The following SMARCE1 variants were observed in gnomAD, a reference collection of about 807,000 sequenced individuals.
SMARCE1 encodes SWI/SNF-related matrix-associated actin-dependent regulator of chromatin subfamily E member 1.
A neutral mutation model predicts 54.9 loss-of-function variants in SMARCE1; 13 were observed. The observed-to-expected ratio is 0.24, with a 90% CI of 0.15 to 0.38. SMARCE1 has a LOEUF of 0.38. Ranked by LOEUF, SMARCE1 falls within the 10% of genes least tolerant of loss-of-function variation. SMARCE1 has a pLI of 1.00. For synonymous variants in SMARCE1, 151 were observed against 175.3 expected (o/e 0.86, Z 1.10); for missense variants, 295 against 523.8 (o/e 0.56, Z 4.26).
chr17:40,633,787 C>T (rs996324793), intron 7 of SMARCE1: 1 of 152,144 alleles, frequency 6.6e-6, no homozygotes, highest in Non-Finnish European at 1.5e-5. Flanking sequence ...GGGTAAGATA[C>T]AGTTTTTTTA....
intron 7 of SMARCE1, chr17:40,633,837 T>C (rs757917804): frequency 6.6e-6 from 1 of 152,234 alleles, no homozygotes; most frequent in Non-Finnish European, 1.5e-5. Context: ...GTTTTTCACC[T>C]TTAGGGTTAT....
chr17:40,633,024 T>C (rs943395620), intron 7 of SMARCE1: 1 of 152,214 alleles, frequency 6.6e-6, no homozygotes, highest in African/African-American at 2.4e-5. Flanking sequence ...TCTGTTTCGT[T>C]TTGAGACAGA....
At chr17:40,639,773 A>C (rs2037179685) in intron 4 of SMARCE1, among the ~76,000 whole-genome samples, 1 of 152,192 alleles carries the variant, frequency 6.6e-6, no homozygotes, top group African/African-American at 2.4e-5. Context: ...ACAATGTCTT[A>C]AACATTTCTT....
chr17:40,637,838 C>T, intron 4 of SMARCE1: 1 of 446,474 alleles, frequency 2.2e-6, no homozygotes, highest in South Asian at 2.2e-5. Context: ...CACAGTAACC[C>T]ATACATTGAA....
intron 1 of SMARCE1, chr17:40,647,554 T>C (rs2037273113): frequency 6.5e-6 from 1 of 152,684 alleles, no homozygotes. Context: ...CTTTGACCAA[T>C]TTCGGGGGAC....
rs748967613 is a variant in SMARCE1, at chr17:40,630,747, TCTC to T, written c.991_993del (p.Glu331del). 1.9e-6 allele frequency: 3 copies of T among 1,614,132 alleles called. No individual in the cohort carries two copies. The highest frequency in any genetic ancestry group is 4.5e-5 in the East Asian group (2 of 44,882). On this transcript the variant is annotated inframe_deletion, in exon 10 of 11. Transcript: ENST00000348513. ...ATCGGAATGTTCTCGTCGTCTTTCTTCTCCTCGCCTTTGTTAGCTGCTTGTTCT... is the reference window on the plus strand; with the variant it reads ...ATCGGAATGTTCTCGTCGTCTTTCTTCTCGCCTTTGTTAGCTGCTTGTTCT...
rs2037039919 is a variant in SMARCE1, at chr17:40,626,817, T to C, written c.*1968A>G. ...TGAACCTGGGAGGTGGAGGTTGCAG[T>C]GAGCTGAGATCGCCACCACTGCACT... On this transcript the variant is annotated 3_prime_UTR_variant, in exon 11 of 11. Transcript: ENST00000348513. 1 of 102,612 alleles carries C rather than the reference T, an allele frequency of 9.7e-6. No homozygotes were observed. Among genetic ancestry groups the C allele is most frequent in the Non-Finnish European group, 1.9e-5 (1 of 52,782 alleles). The allele number at this position is 102,612 out of a possible 1,614,324, so 6.4% of individuals were successfully genotyped here.
At chr17:40,645,330 A>T (rs925970700) in intron 3 of SMARCE1, 7 of 407,382 alleles carry the variant, frequency 1.7e-5, no homozygotes, top group Admixed American at 1.3e-4. Flanking sequence ...ATTTACAAAG[A>T]AAAAACAAAA....
chr17:40,643,521 A>G (rs2037219433), intron 3 of SMARCE1: 1 of 152,242 alleles, frequency 6.6e-6, no homozygotes, highest in African/African-American at 2.4e-5. Flanking sequence ...ATGACACTCA[A>G]TGTTCATGAG....
At chr17:40,631,032 C>A (rs149046203) in intron 9 of SMARCE1, 108 bp from the exon 10 acceptor site, 6 of 775,614 alleles carry the variant, frequency 7.7e-6, no homozygotes, top group Middle Eastern at 2.6e-4. Context: ...ATATATATAT[C>A]TATACACCTG....
chr17:40,645,318 C>T, intron 3 of SMARCE1: 1 of 412,694 alleles, frequency 2.4e-6, no homozygotes, highest in Non-Finnish European at 4.2e-6. Context: ...CACTTATTTC[C>T]CATTTACAAA....
intron 9 of SMARCE1, chr17:40,631,281 G>A (rs555050554): frequency 3.4e-4 from 108 of 320,670 alleles, no homozygotes; most frequent in Admixed American, 1.8e-3. Flanking sequence ...ATTTAATGAC[G>A]ACATTTGATG....
Position 40,636,451 on chromosome 17 carries a change from G to T in SMARCE1, c.313C>A (p.Arg105=). 1 of 1,611,896 alleles carries T rather than the reference G, an allele frequency of 6.2e-7. No individual in the cohort carries two copies. The highest frequency in any genetic ancestry group is 8.5e-7 in the Non-Finnish European group (1 of 1,178,980). Residue 105 remains arginine (R), a synonymous_variant, in exon 6 of 11, where the codon CGA becomes AGA. Transcript: ENST00000348513. Reference sequence around the variant, plus strand: ...TGTTTTTCTTCATCAGTGAGATCTCGCCACATGCCACCAATAATCTTGCCA... The same window carrying T: ...TGTTTTTCTTCATCAGTGAGATCTCTCCACATGCCACCAATAATCTTGCCA... ...EIGKIIGGMW[R]DLTDEEKQEY...
At chr17:40,630,686 GC>G (rs777214986) in intron 10 of SMARCE1, 27 bp downstream of exon 10, 58 of 1,578,604 alleles carry the variant, frequency 3.7e-5, no homozygotes, top group Non-Finnish European at 4.8e-5. Flanking sequence ...TCTTGGCACT[GC>G]CTCTGCGTTT....
intron 4 of SMARCE1, among the ~76,000 whole-genome samples, chr17:40,638,353 A>G (rs1030629319): frequency 2.6e-5 from 4 of 152,166 alleles, no homozygotes; most frequent in African/African-American, 7.2e-5. Flanking sequence ...GTTTTATGGG[A>G]AAGACAGAGG....
intron 7 of SMARCE1, 155 bp downstream of exon 7, chr17:40,635,776 C>T: frequency 2.1e-6 from 1 of 479,032 alleles, no homozygotes; most frequent in Admixed American, 4.0e-5. Context: ...AATTCACATA[C>T]AAATCTTACT....
intron 1 of SMARCE1, among the ~76,000 whole-genome samples, chr17:40,646,236 A>T (rs749359719): frequency 6.6e-5 from 10 of 152,220 alleles, no homozygotes; most frequent in Non-Finnish European, 1.5e-5. Context: ...CAGCTCCCTG[A>T]TCAGCAACTG....
At chr17:40,629,435 G>A in intron 10 of SMARCE1, 2 of 757,448 alleles carry the variant, frequency 2.6e-6, no homozygotes, top group Non-Finnish European at 3.6e-6. Flanking sequence ...CACGTGACTT[G>A]CATTTTATTT....
chr17:40,630,335 T>C (rs879106450), intron 10 of SMARCE1: 1 of 839,362 alleles, frequency 1.2e-6, no homozygotes. Context: ...GGCCAGGCAG[T>C]TGTTGTTGCA....
Sources: gnomAD v4.1 joint callset for allele counts (sites outside exome capture counted in the v4.1 genomes callset) on GRCh38, gnomAD v4.1.1 for gene constraint, MANE v1.5 for transcripts, NCBI Gene and HGNC (gene_info 2026-07-23, HGNC 2026-07-21) for gene names.